TTBK2: variants seen among roughly 807,000 people sequenced by gnomAD.
The protein encoded by TTBK2 is tau-tubulin kinase 2.
A neutral mutation model predicts 110.8 loss-of-function variants in TTBK2; 28 were observed. The observed-to-expected ratio is 0.25, with a 90% CI of 0.19 to 0.35. The LOEUF (loss-of-function observed/expected upper bound fraction) is 0.35, where lower values mean the gene tolerates loss of function less well. Ranked by LOEUF, TTBK2 falls within the 10% of genes least tolerant of loss-of-function variation. The probability of loss-of-function intolerance (pLI) is 1.00; values close to 1 mark genes in which losing one functional copy is unlikely to be tolerated. For missense variants in TTBK2, 1,369 were observed against 1,500.3 expected (o/e 0.91, Z 1.45); for synonymous variants, 532 against 527.3 (o/e 1.01, Z -0.12).
intron 9 of TTBK2, among the ~76,000 whole-genome samples, chr15:42,808,078 C>T (rs1595933646): frequency 6.6e-6 from 1 of 152,124 alleles, no homozygotes; most frequent in Non-Finnish European, 1.5e-5. Context: ...TACAGATAAA[C>T]TTGATGTAAT....
At chr15:42,778,644 GGCAACAGACCAAGATTCCATCTC>G (rs1181710262) in intron 11 of TTBK2, among the ~76,000 whole-genome samples, 2 of 151,814 alleles carry the variant, frequency 1.3e-5, no homozygotes, top group Non-Finnish European at 2.9e-5. Context: ...CTCCAGCCTG[GGCAACAGACCAAGATTCCATCTC>G]AAAAAAACAA....
chr15:42,820,431 C>T (rs1892241945), intron 6 of TTBK2, among the ~76,000 whole-genome samples: 1 of 152,274 alleles, frequency 6.6e-6, no homozygotes, highest in Non-Finnish European at 1.5e-5. Context: ...AACAAATAAT[C>T]TCTTGAAACT....
intron 3 of TTBK2, among the ~76,000 whole-genome samples, chr15:42,856,591 T>C (rs936153042): frequency 6.6e-6 from 1 of 152,192 alleles, no homozygotes; most frequent in Non-Finnish European, 1.5e-5. Context: ...AGGTTTTCAA[T>C]ACCACTGTGT....
At chr15:42,799,743 A>G (rs1891100045) in intron 9 of TTBK2, among the ~76,000 whole-genome samples, 1 of 152,122 alleles carries the variant, frequency 6.6e-6, no homozygotes, top group African/African-American at 2.4e-5. Flanking sequence ...GCCCTGCATT[A>G]CTTTTTATTT....
chr15:42,800,586 G>T (rs1891140853), intron 9 of TTBK2, among the ~76,000 whole-genome samples: 1 of 152,132 alleles, frequency 6.6e-6, no homozygotes, highest in African/African-American at 2.4e-5. Flanking sequence ...AAAATTAGTG[G>T]ATCAATAAAG....
chr15:42,826,634 T>G (rs967453406), intron 6 of TTBK2, among the ~76,000 whole-genome samples: 1 of 152,182 alleles, frequency 6.6e-6, no homozygotes. Flanking sequence ...CCAATCCAGC[T>G]GTTTCTGTAC....
At chr15:42,902,740 C>T (rs911339659) in intron 1 of TTBK2, among the ~76,000 whole-genome samples, 1 of 152,052 alleles carries the variant, frequency 6.6e-6, no homozygotes, top group African/African-American at 2.4e-5. Context: ...AGCCTGTAAT[C>T]CCAGCACTTT....
At chr15:42,778,763 A>C (rs900784338) in intron 11 of TTBK2, among the ~76,000 whole-genome samples, 1 of 152,178 alleles carries the variant, frequency 6.6e-6, no homozygotes, top group African/African-American at 2.4e-5. Flanking sequence ...ATACAATAAA[A>C]AGCCATAACA....
chr15:42,862,484 C>A (rs1459245962), intron 3 of TTBK2, among the ~76,000 whole-genome samples: 1 of 152,098 alleles, frequency 6.6e-6, no homozygotes, highest in African/African-American at 2.4e-5. Flanking sequence ...AAAACAAAAA[C>A]CATATAGTCA....
chr15:42,830,305 A>G (rs1892698069), intron 4 of TTBK2, among the ~76,000 whole-genome samples: 1 of 151,666 alleles, frequency 6.6e-6, no homozygotes, highest in Non-Finnish European at 1.5e-5. Flanking sequence ...CTCCTGCTTC[A>G]GCCTCCCGAG....
chr15:42,848,099 G>C (rs537289211), intron 3 of TTBK2, among the ~76,000 whole-genome samples: 1 of 152,202 alleles, frequency 6.6e-6, no homozygotes, highest in South Asian at 2.1e-4. Context: ...GTATAAACAT[G>C]ATGTTTTGAA....
intron 13 of TTBK2, among the ~76,000 whole-genome samples, chr15:42,763,900 C>T (rs996625556): frequency 6.6e-6 from 1 of 152,162 alleles, no homozygotes; most frequent in Non-Finnish European, 1.5e-5. Flanking sequence ...ACAAGTCACT[C>T]ATTATTGAAA....
intron 1 of TTBK2, among the ~76,000 whole-genome samples, chr15:42,912,983 G>GGC (rs2030863439): frequency 6.7e-6 from 1 of 150,260 alleles, no homozygotes; most frequent in African/African-American, 2.5e-5. Context: ...AAATTAGCCG[G>GGC]GCGCGGTGGC....
At chr15:42,798,475 T>C (rs1348748612) in intron 9 of TTBK2, among the ~76,000 whole-genome samples, 3 of 152,216 alleles carry the variant, frequency 2.0e-5, no homozygotes, top group Non-Finnish European at 4.4e-5. Flanking sequence ...TAGGGTAACA[T>C]GTACCCCCAG....
chr15:42,785,845 T>C (rs1181236042), intron 10 of TTBK2, among the ~76,000 whole-genome samples: 1 of 152,068 alleles, frequency 6.6e-6, no homozygotes, highest in Non-Finnish European at 1.5e-5. Flanking sequence ...GAAAAATTAG[T>C]CTTCAGTACA....
chr15:42,801,673 G>T, intron 9 of TTBK2: 1 of 894,744 alleles, frequency 1.1e-6, no homozygotes, highest in Non-Finnish European at 1.9e-6. Flanking sequence ...TGTTGTCCAT[G>T]AACAGCACCA....
chr15:42,768,929 C>A (rs1263075857), intron 13 of TTBK2, among the ~76,000 whole-genome samples: 1 of 152,150 alleles, frequency 6.6e-6, no homozygotes, highest in Non-Finnish European at 1.5e-5. Context: ...ACCAATGGAA[C>A]AGAGCAGAGG....
At chr15:42,868,860 C>G (rs1304774238) in intron 3 of TTBK2, among the ~76,000 whole-genome samples, 2 of 127,360 alleles carry the variant, frequency 1.6e-5, no homozygotes, top group African/African-American at 7.9e-5. Context: ...GACCTTGTCT[C>G]AAAAATAAAT....
At chr15:42,779,016 G>T (rs888018857) in intron 11 of TTBK2, among the ~76,000 whole-genome samples, 21 of 152,116 alleles carry the variant, frequency 1.4e-4, no homozygotes, top group African/African-American at 4.8e-4. Context: ...AGATGAAGGT[G>T]GGGGAAACAA....
Sources: allele counts gnomAD v4.1 joint callset (sites outside exome capture counted in the v4.1 genomes callset), GRCh38; gene constraint gnomAD v4.1.1; transcripts MANE v1.5; gene names NCBI Gene and HGNC (gene_info 2026-07-23, HGNC 2026-07-21).